The following BAZ2B variants were observed in gnomAD, a reference collection of about 807,000 sequenced individuals.
The protein encoded by BAZ2B is bromodomain adjacent to zinc finger domain protein 2B.
Under a neutral mutation model 246.0 loss-of-function variants are expected in BAZ2B, and 91 were observed. The observed-to-expected ratio is 0.37, with a 90% CI of 0.31 to 0.44. The LOEUF (loss-of-function observed/expected upper bound fraction) is 0.44. BAZ2B is among the 20% of genes least tolerant of loss of function. BAZ2B has a pLI of 1.00. For synonymous variants in BAZ2B, 855 were observed against 860.0 expected, an observed-to-expected ratio of 0.99 and a Z score of 0.10; for missense variants, 2,332 against 2,533.7, an observed-to-expected ratio of 0.92 and a Z score of 1.71.
At chr2:159,534,913 CA>C (rs2085782031) in intron 2 of BAZ2B, among the ~76,000 whole-genome samples, 1 of 152,034 alleles carries the variant, frequency 6.6e-6, no homozygotes, top group African/African-American at 2.4e-5. Flanking sequence ...GGCCTCCAAA[CA>C]TAAGTTCTAA....
intron 27 of BAZ2B, among the ~76,000 whole-genome samples, chr2:159,356,341 GT>G (rs955147565): frequency 2.1e-4 from 32 of 152,326 alleles, no homozygotes; most frequent in African/African-American, 7.5e-4. Context: ...TGGGTAGGCC[GT>G]TTTCCCCTCA....
the BAZ2B span, among the ~76,000 whole-genome samples, chr2:159,621,937 C>A: frequency 6.6e-6 from 1 of 152,180 alleles, no homozygotes; most frequent in Non-Finnish European, 1.5e-5. Flanking sequence ...AAACCCCCAT[C>A]TCTACCAAAA....
At chr2:159,390,244 TAA>T (rs1316878059) in intron 20 of BAZ2B, among the ~76,000 whole-genome samples, 1 of 152,186 alleles carries the variant, frequency 6.6e-6, no homozygotes, top group African/African-American at 2.4e-5. Context: ...CTTCCTTGAT[TAA>T]AAGTCTTTTG....
intron 22 of BAZ2B, among the ~76,000 whole-genome samples, chr2:159,385,658 G>A (rs779660278): frequency 1.3e-5 from 2 of 152,010 alleles, no homozygotes; most frequent in Non-Finnish European, 2.9e-5. Flanking sequence ...AGCCTTCCAT[G>A]ACTATAAAAG....
At position 159,604,248 on chromosome 2, in the gene BAZ2B, T is replaced by A. The variant is rs558950612; in HGVS notation, c.-46+11994A>T. 3.1e-4 allele frequency among the ~76,000 whole-genome samples: 47 copies of A among 152,238 alleles called. 1 individual carries two copies. In the East Asian group the frequency reaches 8.9e-3, roughly 29 times the overall value. ...CAAGTTATATTCTCAAATAGTTTTTTTCCCTTTCTTATACATGTATTTTAT... is the reference window on the plus strand; with the variant it reads ...CAAGTTATATTCTCAAATAGTTTTTATCCCTTTCTTATACATGTATTTTAT... On this transcript the variant is annotated intron_variant, in intron 1 of 36. Transcript: ENST00000392783.
At chr2:159,488,143 G>A (rs2080045517) in intron 2 of BAZ2B, among the ~76,000 whole-genome samples, 1 of 151,706 alleles carries the variant, frequency 6.6e-6, no homozygotes, top group African/African-American at 2.4e-5. Flanking sequence ...GTGCAATCTC[G>A]GCTACTGCAA....
intron 3 of BAZ2B, among the ~76,000 whole-genome samples, chr2:159,472,284 T>C (rs1327720832): frequency 3.9e-5 from 6 of 152,250 alleles, no homozygotes. Flanking sequence ...AAAATGCTTG[T>C]GATTTTTGCA....
intron 27 of BAZ2B, among the ~76,000 whole-genome samples, chr2:159,357,186 A>C (rs1226198812): frequency 6.6e-6 from 1 of 152,130 alleles, no homozygotes; most frequent in Non-Finnish European, 1.5e-5. Flanking sequence ...TCTGAGCTAA[A>C]GGAGCATGTT....
chr2:159,684,622 C>T, the BAZ2B span, among the ~76,000 whole-genome samples: 2 of 152,224 alleles, frequency 1.3e-5, no homozygotes, highest in Non-Finnish European at 2.9e-5. Flanking sequence ...CCACCTCAGT[C>T]TCCCGAGTAG....
intron 1 of BAZ2B, among the ~76,000 whole-genome samples, chr2:159,585,694 C>T (rs1047413596): frequency 6.6e-6 from 1 of 152,020 alleles, no homozygotes; most frequent in South Asian, 2.1e-4. Flanking sequence ...TTTCTGATAC[C>T]CAGAATTATT....
chr2:159,349,701 T>C lies in BAZ2B; in HGVS notation c.4863+7A>G. The C allele has an allele frequency of 1.2e-6, 2 of 1,606,986 alleles. No individual in the cohort carries two copies. The highest frequency in any genetic ancestry group is 1.7e-6 in the Non-Finnish European group (2 of 1,175,496). On this transcript the variant is annotated splice_region_variant and intron_variant, in intron 28 of 36. Coordinates refer to ENST00000392783, the MANE Select transcript of BAZ2B (RefSeq NM_013450.4). ...TATAAAAATGAGTTACAGTTAGCAGTACTAACCTGAAGAGGTGATAAAGCA... is the reference window on the plus strand; with the variant it reads ...TATAAAAATGAGTTACAGTTAGCAGCACTAACCTGAAGAGGTGATAAAGCA...
At chr2:159,623,305 A>C in the BAZ2B span, among the ~76,000 whole-genome samples, 2 of 151,962 alleles carry the variant, frequency 1.3e-5, no homozygotes, top group African/African-American at 4.8e-5. Context: ...AGGTGTTTGA[A>C]GTTGTAATGC....
chr2:159,361,590 C>T (rs1475063315), intron 27 of BAZ2B, among the ~76,000 whole-genome samples: 2 of 152,220 alleles, frequency 1.3e-5, no homozygotes, highest in South Asian at 2.1e-4. Flanking sequence ...ACCCAGCAAT[C>T]AATCCCATTA....
chr2:159,466,914 C>G (rs1247768718), intron 3 of BAZ2B, among the ~76,000 whole-genome samples: 1 of 152,146 alleles, frequency 6.6e-6, no homozygotes, highest in Non-Finnish European at 1.5e-5. Flanking sequence ...GATTCAATTG[C>G]TAAACACCCT....
the BAZ2B span, among the ~76,000 whole-genome samples, chr2:159,666,568 C>A: frequency 6.6e-6 from 1 of 152,042 alleles, no homozygotes; most frequent in Admixed American, 6.6e-5. Flanking sequence ...CTGATTCATA[C>A]TTTTAAAATT....
At chr2:159,493,670 T>C (rs920098515) in intron 2 of BAZ2B, among the ~76,000 whole-genome samples, 5 of 152,244 alleles carry the variant, frequency 3.3e-5, no homozygotes, top group Admixed American at 2.6e-4. Flanking sequence ...AGCTTATTTA[T>C]ATTCACTTAA....
intron 14 of BAZ2B, among the ~76,000 whole-genome samples, chr2:159,406,363 A>T (rs1349969384): frequency 1.3e-5 from 2 of 152,220 alleles, no homozygotes; most frequent in African/African-American, 4.8e-5. Context: ...CAAGATAAGC[A>T]AAGCTGCTTA....
At chr2:159,328,659 C>T (rs551853999) in intron 34 of BAZ2B, among the ~76,000 whole-genome samples, 2 of 152,188 alleles carry the variant, frequency 1.3e-5, no homozygotes, top group South Asian at 4.2e-4. Flanking sequence ...CATGAGGGGT[C>T]CAATGAACTC....
intron 2 of BAZ2B, among the ~76,000 whole-genome samples, chr2:159,553,421 A>T (rs2088628920): frequency 6.6e-6 from 1 of 150,626 alleles, no homozygotes; most frequent in Admixed American, 6.6e-5. Flanking sequence ...AAAAAAGAAA[A>T]GAAAGAAAGA....
Sources: allele counts gnomAD v4.1 joint callset (sites outside exome capture counted in the v4.1 genomes callset), GRCh38; gene constraint gnomAD v4.1.1; transcripts MANE v1.5; gene names NCBI Gene and HGNC (gene_info 2026-07-23, HGNC 2026-07-21).